The following CFAP61 variants were observed in gnomAD, a reference collection of about 807,000 sequenced individuals.
CFAP61 encodes cilia and flagella associated protein 61, also known as cilia- and flagella-associated protein 61.
Under a neutral mutation model 135.6 loss-of-function variants are expected in CFAP61, and 107 were observed. The observed-to-expected ratio is 0.79, with a 90% CI of 0.67 to 0.93. The LOEUF (loss-of-function observed/expected upper bound fraction) is 0.93. Among genes scored for constraint, CFAP61 ranks in the 40% least tolerant of loss-of-function variants. The pLI is 0.00. For missense variants in CFAP61, 1,507 were observed against 1,556.2 expected (o/e 0.97, Z 0.53); for synonymous variants, 575 against 578.5 (o/e 0.99, Z 0.09).
At chr20:20,316,044 A>C (rs1179265664) in intron 25 of CFAP61, among the ~76,000 whole-genome samples, 1 of 151,934 alleles carries the variant, frequency 6.6e-6, no homozygotes, top group Non-Finnish European at 1.5e-5. Context: ...TTCCATATGA[A>C]CTTTAAAGTA....
intron 25 of CFAP61, among the ~76,000 whole-genome samples, chr20:20,332,008 A>G (rs1277564822): frequency 6.6e-6 from 1 of 152,246 alleles, no homozygotes; most frequent in African/African-American, 2.4e-5. Flanking sequence ...CTGAACTTAT[A>G]TAACAAATCA....
intron 25 of CFAP61, among the ~76,000 whole-genome samples, chr20:20,326,559 A>C (rs1360859860): frequency 6.6e-6 from 1 of 152,174 alleles, no homozygotes; most frequent in Admixed American, 6.5e-5. Flanking sequence ...ACTGTTTCCA[A>C]GTGTAGAGAT....
chr20:20,285,039 G>A (rs918299958), intron 22 of CFAP61, among the ~76,000 whole-genome samples: 1 of 152,074 alleles, frequency 6.6e-6, no homozygotes, highest in African/African-American at 2.4e-5. Flanking sequence ...CATTCTTAAC[G>A]CTTATTTTCA....
At position 20,193,274 on chromosome 20, in the gene CFAP61, G is replaced by T. The variant is rs1290844099; in HGVS notation, c.1590+1855G>T. Among the ~76,000 whole-genome samples, 2 of 152,130 alleles carry T rather than the reference G, an allele frequency of 1.3e-5. 1 individual carries two copies. Among genetic ancestry groups the T allele is most frequent in the African/African-American group, 4.8e-5 (2 of 41,396 alleles). On this transcript the variant is annotated intron_variant, in intron 15 of 26. Transcript: ENST00000245957. The stretch of plus-strand genomic sequence containing the variant: ...TCCTTCATTTAGTGTAATCGTGGCT[G>T]TAGGTTTCTGATAGATATCCCTTAT...
Position 20,359,342 on chromosome 20 carries a change from TC to T in CFAP61, c.3514-866del, listed in dbSNP as rs1569337959. Among the ~76,000 whole-genome samples, 1 of 138,998 alleles carries T rather than the reference TC, an allele frequency of 7.2e-6. No homozygotes were observed. Among genetic ancestry groups the T allele is most frequent in the African/African-American group, 2.5e-5 (1 of 40,326 alleles). The allele number at this position is 138,998 out of a possible 152,430, so 91.2% of individuals were successfully genotyped here. A position where few individuals can be genotyped will look rare whatever the true frequency, so the allele number is the denominator to read the frequency against. On this transcript the variant is annotated intron_variant, in intron 26 of 26. Coordinates refer to ENST00000245957, the MANE Select transcript of CFAP61 (RefSeq NM_015585.4). The surrounding 1 kb of genome is among the most constrained non-coding windows in gnomAD (Gnocchi z 4.0). ...CTTTCAAGTAAAAAGGTTTAATCACTCCTTTTTTTTATTTTTAAATTTTTTT... is the reference window on the plus strand; with the variant it reads ...CTTTCAAGTAAAAAGGTTTAATCACTCTTTTTTTTATTTTTAAATTTTTTT...
chr20:20,233,346 C>T (rs971959480), intron 18 of CFAP61, among the ~76,000 whole-genome samples: 3 of 152,198 alleles, frequency 2.0e-5, no homozygotes, highest in Admixed American at 1.3e-4. Context: ...TGTGACTCCC[C>T]GTCCTGTCGG....
At chr20:20,074,151 C>T in intron 3 of CFAP61, 151 bp from the exon 4 acceptor site, 2 of 662,018 alleles carry the variant, frequency 3.0e-6, no homozygotes, top group Non-Finnish European at 5.5e-6. Flanking sequence ...CAAATGCCGC[C>T]TGGGTGTTGC....
chr20:20,212,674 C>G (rs1308930852), intron 17 of CFAP61, among the ~76,000 whole-genome samples: 2 of 152,204 alleles, frequency 1.3e-5, no homozygotes, highest in Non-Finnish European at 2.9e-5. Flanking sequence ...CCTCCACCCC[C>G]ACCTGCCACT....
chr20:20,169,470 C>T lies in CFAP61; in HGVS notation c.1385+10C>T, dbSNP rs756891021. 1 of 1,598,604 alleles carries T rather than the reference C, an allele frequency of 6.3e-7. No homozygotes were observed. Among genetic ancestry groups the T allele is most frequent in the Non-Finnish European group, 8.5e-7 (1 of 1,170,524 alleles). On this transcript the variant is annotated intron_variant, in intron 13 of 26. Coordinates refer to ENST00000245957, the MANE Select transcript of CFAP61 (RefSeq NM_015585.4). ...GGGCTGGATTGCTCAAGTGAGTAGA[C>T]ACATGTTTGGCCACACAACAATCCA...
intron 8 of CFAP61, among the ~76,000 whole-genome samples, chr20:20,101,350 A>G (rs965389452): frequency 6.6e-6 from 1 of 152,308 alleles, no homozygotes; most frequent in East Asian, 1.9e-4. Flanking sequence ...GGATTTTTAT[A>G]TATGTAATCT....
At chr20:20,111,978 C>G (rs1445523085) in intron 8 of CFAP61, among the ~76,000 whole-genome samples, 2 of 152,140 alleles carry the variant, frequency 1.3e-5, no homozygotes, top group South Asian at 2.1e-4. Context: ...CTTCAGAAGC[C>G]TGCACCCTAG....
At chr20:20,326,423 G>A (rs2057750018) in intron 25 of CFAP61, among the ~76,000 whole-genome samples, 1 of 152,012 alleles carries the variant, frequency 6.6e-6, no homozygotes, top group African/African-American at 2.4e-5. Context: ...TCTCCACCTG[G>A]AAATTGTAAA....
intron 17 of CFAP61, among the ~76,000 whole-genome samples, chr20:20,209,210 C>A (rs1359798188): frequency 1.3e-5 from 2 of 152,184 alleles, no homozygotes; most frequent in Non-Finnish European, 2.9e-5. Flanking sequence ...CACGATTCAC[C>A]ATTGCTGTGT....
At chr20:20,263,234 T>A in intron 21 of CFAP61, 104 bp downstream of exon 21, 3 of 743,584 alleles carry the variant, frequency 4.0e-6, no homozygotes, top group Non-Finnish European at 4.0e-6. Flanking sequence ...CCTAATTAAT[T>A]CCAACCAAAT....
At chr20:20,057,010 C>T (rs1431501710) in intron 2 of CFAP61, among the ~76,000 whole-genome samples, 5 of 151,164 alleles carry the variant, frequency 3.3e-5, no homozygotes, top group East Asian at 2.0e-4. Context: ...CCCAGCTGCT[C>T]GGGAGGCTGA....
chr20:20,062,780 T>G (rs1389367431), intron 2 of CFAP61, among the ~76,000 whole-genome samples: 1 of 152,248 alleles, frequency 6.6e-6, no homozygotes, highest in African/African-American at 2.4e-5. Context: ...AAAATTAGTT[T>G]CTTCCATTGA....
intron 6 of CFAP61, among the ~76,000 whole-genome samples, chr20:20,081,784 CCT>C (rs2046450080): frequency 6.6e-6 from 1 of 150,412 alleles, no homozygotes; most frequent in Admixed American, 6.6e-5. Context: ...ACATACAGCC[CCT>C]GATGTGCCCA....
intron 2 of CFAP61, among the ~76,000 whole-genome samples, chr20:20,069,013 G>C (rs2045517022): frequency 6.6e-6 from 1 of 152,246 alleles, no homozygotes; most frequent in Non-Finnish European, 1.5e-5. Context: ...AAAGTGCTGG[G>C]ATTACAGGCG....
chr20:20,171,833 T>C lies in CFAP61; in HGVS notation c.1385+2373T>C, dbSNP rs910617887. The stretch of plus-strand genomic sequence containing the variant: ...GCATCACCAGAGTGTCAAAGGGCTC[T>C]GTGGCATGCAAGAGTTTCAGACCCA... On this transcript the variant is annotated intron_variant, in intron 13 of 26. Transcript: ENST00000245957. 8 of 695,484 alleles carry C rather than the reference T, an allele frequency of 1.2e-5. No homozygotes were observed. In the African/African-American group the frequency reaches 1.4e-4, roughly 12 times the overall value. The allele number at this position is 695,484 out of a possible 1,614,324, so 43.1% of individuals were successfully genotyped here. A position where few individuals can be genotyped will look rare whatever the true frequency, so the allele number is the denominator to read the frequency against.
Sources: allele counts gnomAD v4.1 joint callset (sites outside exome capture counted in the v4.1 genomes callset), GRCh38; gene constraint gnomAD v4.1.1; non-coding constraint Gnocchi (gnomAD v3.1); transcripts MANE v1.5; gene names NCBI Gene and HGNC (gene_info 2026-07-23, HGNC 2026-07-21).